Variants in SUMF1 observed in about 807,000 individuals in gnomAD.
SUMF1 encodes the protein formylglycine-generating enzyme.
Under a neutral mutation model 47.6 loss-of-function variants are expected in SUMF1, and 48 were observed. The ratio of observed to expected loss-of-function variants is 1.01; its 90% CI spans 0.80 to 1.28. SUMF1 has a LOEUF of 1.28. Among genes scored for constraint, SUMF1 ranks in the 50% most tolerant of loss-of-function variants. SUMF1 has a pLI of 0.00. For missense variants in SUMF1, 571 were observed against 485.4 expected, an observed-to-expected ratio of 1.18 and a Z score of -1.66; for synonymous variants, 230 against 192.1, an observed-to-expected ratio of 1.20 and a Z score of -1.63.
chr3:4,293,491 T>C (rs1231303992), intron 8 of SUMF1, among the ~76,000 whole-genome samples: 1 of 152,212 alleles, frequency 6.6e-6, no homozygotes, highest in Non-Finnish European at 1.5e-5. Flanking sequence ...ATCACTTCTA[T>C]GACCATTTAT....
chr3:4,381,581 TA>T (rs1343560528), intron 7 of SUMF1, among the ~76,000 whole-genome samples: 1 of 152,234 alleles, frequency 6.6e-6, no homozygotes, highest in African/African-American at 2.4e-5. Flanking sequence ...GGCACTTCTG[TA>T]TGTGTACACT....
intron 8 of SUMF1, among the ~76,000 whole-genome samples, chr3:4,069,431 T>C (rs1695463856): frequency 6.6e-6 from 1 of 152,220 alleles, no homozygotes; most frequent in African/African-American, 2.4e-5. Context: ...ATTTTATCAC[T>C]GAACTTATAT....
chr3:4,176,625 A>C (rs1694970792), intron 8 of SUMF1, among the ~76,000 whole-genome samples: 1 of 152,194 alleles, frequency 6.6e-6, no homozygotes, highest in African/African-American at 2.4e-5. Flanking sequence ...AAGAAACTAC[A>C]TCAATTAACA....
chr3:4,255,486 T>C (rs1042743763), intron 8 of SUMF1, among the ~76,000 whole-genome samples: 1 of 91,286 alleles, frequency 1.1e-5, no homozygotes, highest in Non-Finnish European at 2.3e-5. Context: ...TAAAACAGAC[T>C]TTAAACCAAC....
intron 8 of SUMF1, among the ~76,000 whole-genome samples, chr3:4,374,257 A>G (rs988817266): frequency 5.3e-5 from 8 of 152,252 alleles, no homozygotes; most frequent in Non-Finnish European, 1.0e-4. Flanking sequence ...TTCACAGATC[A>G]TATGATCAGC....
chr3:4,042,392 G>A (rs1345241730), intron 9 of SUMF1, among the ~76,000 whole-genome samples: 1 of 152,076 alleles, frequency 6.6e-6, no homozygotes, highest in African/African-American at 2.4e-5. Flanking sequence ...AGTCCATGAA[G>A]AGAGGATTCT....
intron 8 of SUMF1, among the ~76,000 whole-genome samples, chr3:4,326,109 AC>A (rs1698939462): frequency 6.6e-6 from 1 of 152,222 alleles, no homozygotes. Context: ...GGCGTGAGCC[AC>A]AGTGCCCAGC....
chr3:4,113,367 A>C (rs115726806), intron 8 of SUMF1, among the ~76,000 whole-genome samples: 4,693 of 151,992 alleles, frequency 0.031, 271 homozygotes, highest in African/African-American at 0.11. Context: ...TCTCTATAAA[A>C]TAAAAATAAA....
At chr3:4,358,064 T>G (rs777249503), downstream of SUMF1, among the ~76,000 whole-genome samples, 2 of 152,170 alleles carry the variant, frequency 1.3e-5, no homozygotes, top group Non-Finnish European at 2.9e-5. Context: ...TTTTAAGCTG[T>G]AGGTTGAACC....
At position 4,418,132 on chromosome 3, in the gene SUMF1, C is replaced by T; in HGVS notation, c.603G>A (p.Arg201=). The T allele has an allele frequency of 6.2e-7, 1 of 1,614,018 alleles. No homozygotes were observed. Among genetic ancestry groups the T allele is most frequent in the Non-Finnish European group, 8.5e-7 (1 of 1,180,014 alleles). ...PEGPDSTILH[R]PDHPVLHVSW... is the part of the protein sequence containing the mutation. ...ACACATGGAGAACTGGATGATCCGG[C>T]CTGGGGAAGAGCAAAAGTAGAATGA... Residue 201 remains arginine (R), a splice_region_variant and synonymous_variant, in exon 5 of 9, where the codon AGG becomes AGA. Coordinates refer to ENST00000272902, the MANE Select transcript of SUMF1 (RefSeq NM_182760.4).
At chr3:4,189,885 A>G (rs192372099) in intron 8 of SUMF1, among the ~76,000 whole-genome samples, 20 of 152,246 alleles carry the variant, frequency 1.3e-4, no homozygotes, top group Non-Finnish European at 2.1e-4. Context: ...GATTAGCTCA[A>G]ACTGCCTTTT....
intron 8 of SUMF1, among the ~76,000 whole-genome samples, chr3:4,300,089 C>T (rs982943444): frequency 2.6e-5 from 4 of 152,144 alleles, no homozygotes; most frequent in African/African-American, 9.7e-5. Context: ...ATCATGGGGG[C>T]GGGTTTCTCA....
intron 3 of SUMF1, among the ~76,000 whole-genome samples, chr3:4,443,788 A>G (rs901718665): frequency 6.6e-6 from 1 of 152,100 alleles, no homozygotes; most frequent in Admixed American, 6.6e-5. Context: ...GAAAAAAGAG[A>G]GAGAAAAAAA....
chr3:4,160,267 T>G (rs984345443), intron 8 of SUMF1, among the ~76,000 whole-genome samples: 2 of 151,928 alleles, frequency 1.3e-5, no homozygotes, highest in East Asian at 3.9e-4. Context: ...TGAGACAGAG[T>G]CTCACTCTGT....
chr3:4,272,421 A>G (rs1360666587), intron 8 of SUMF1, among the ~76,000 whole-genome samples: 8 of 152,154 alleles, frequency 5.3e-5, no homozygotes, highest in Non-Finnish European at 8.8e-5. Context: ...ACATCCTCAC[A>G]TCAACCAGCC....
chr3:4,274,103 T>A (rs1295095716), intron 8 of SUMF1, among the ~76,000 whole-genome samples: 1 of 151,986 alleles, frequency 6.6e-6, no homozygotes, highest in Non-Finnish European at 1.5e-5. Flanking sequence ...TGCCCAGTCA[T>A]ACTAAAAACA....
chr3:4,091,707 G>A (rs1692790844), intron 8 of SUMF1, among the ~76,000 whole-genome samples: 1 of 152,010 alleles, frequency 6.6e-6, no homozygotes, highest in African/African-American at 2.4e-5. Context: ...GCCAGACTTG[G>A]CAGTGTGGCA....
At chr3:4,217,700 T>C (rs1376303503) in intron 8 of SUMF1, among the ~76,000 whole-genome samples, 1 of 144,072 alleles carries the variant, frequency 6.9e-6, no homozygotes, top group East Asian at 2.1e-4. Context: ...TTTATTTTTT[T>C]ATTAAAAAAA....
intron 8 of SUMF1, among the ~76,000 whole-genome samples, chr3:4,242,806 T>C (rs1404754083): frequency 6.6e-6 from 1 of 152,182 alleles, no homozygotes; most frequent in Non-Finnish European, 1.5e-5. Flanking sequence ...TTAGGGAGGA[T>C]TCCCTCCTTT....
Sources: allele counts gnomAD v4.1 joint callset (sites outside exome capture counted in the v4.1 genomes callset), GRCh38; gene constraint gnomAD v4.1.1; transcripts MANE v1.5; gene names NCBI Gene and HGNC (gene_info 2026-07-23, HGNC 2026-07-21).